SLC16A2: variants seen among roughly 807,000 people sequenced by gnomAD.
SLC16A2 encodes solute carrier family 16 member 2, also known as monocarboxylate transporter 8.
Under a neutral mutation model 27.2 loss-of-function variants are expected in SLC16A2, and 3 were observed. The observed-to-expected ratio is 0.11, with a 90% CI of 0.05 to 0.28. The LOEUF is 0.28. Ranked by LOEUF, SLC16A2 falls within the 10% of genes least tolerant of loss-of-function variation. SLC16A2 has a pLI of 1.00. For missense variants in SLC16A2, 295 were observed against 458.5 expected (o/e 0.64, Z 3.26); for synonymous variants, 202 against 187.8 (o/e 1.08, Z -0.62).
At position 74,422,182 on chromosome X, in the gene SLC16A2, TCCCCTTA is replaced by T. The variant is rs1023683164; in HGVS notation, c.430+129_430+135del. On this transcript the variant is annotated intron_variant, in intron 1 of 5. Coordinates refer to ENST00000587091, the MANE Select transcript of SLC16A2 (RefSeq NM_006517.5). Reference sequence around the variant, plus strand: ...CCCTCCAACGCGCCTCTCCGACTCCTCCCCTTACCCCTTACCCCTTGCCCCTTGCCCC... The same window carrying T: ...CCCTCCAACGCGCCTCTCCGACTCCTCCCCTTACCCCTTGCCCCTTGCCCC... The T allele has an allele frequency of 6.6e-6, 5 of 756,425 alleles. No homozygotes were observed. In the African/African-American group the frequency reaches 8.4e-5, roughly 13 times the overall value. The allele number at this position is 756,425 out of a possible 1,213,427, so 62.3% of individuals were successfully genotyped here. A position where few individuals can be genotyped will look rare whatever the true frequency, so the allele number is the denominator to read the frequency against.
intron 1 of SLC16A2, among the ~76,000 whole-genome samples, chrX:74,507,910 G>C (rs1055372650): frequency 8.9e-6 from 1 of 112,003 alleles, no homozygotes; most frequent in Non-Finnish European, 1.9e-5. Context: ...GAACACTTAG[G>C]TTGATTCAAT....
chrX:74,490,088 G>A (rs1483477220), intron 1 of SLC16A2, among the ~76,000 whole-genome samples: 3 of 102,745 alleles, frequency 2.9e-5, no homozygotes, highest in African/African-American at 1.1e-4. Flanking sequence ...AAAAAAAATA[G>A]TTAGATCCAA....
intron 1 of SLC16A2, among the ~76,000 whole-genome samples, chrX:74,496,925 T>TA (rs1929946831): frequency 8.9e-6 from 1 of 111,911 alleles, no homozygotes; most frequent in South Asian, 3.8e-4. Flanking sequence ...GCAGGTGTGC[T>TA]AGTGCCTGTT....
chrX:74,433,438 G>T (rs1341441843), intron 1 of SLC16A2, among the ~76,000 whole-genome samples: 2 of 110,100 alleles, frequency 1.8e-5, no homozygotes, highest in African/African-American at 6.6e-5. Context: ...CTGAGGCTTG[G>T]GGTCTTAATG....
chrX:74,504,318 C>G (rs969168486), intron 1 of SLC16A2, among the ~76,000 whole-genome samples: 25 of 110,789 alleles, frequency 2.3e-4, no homozygotes, highest in Admixed American at 1.3e-3. Context: ...TCCCACCCAC[C>G]CATCTTGCCT....
intron 1 of SLC16A2, among the ~76,000 whole-genome samples, chrX:74,422,598 G>A (rs1360309620): frequency 9.0e-6 from 1 of 111,286 alleles, no homozygotes; most frequent in Non-Finnish European, 1.9e-5. Flanking sequence ...ATGACTATGA[G>A]CGAAGAGTCA....
rs1930527348 is a variant in SLC16A2, at chrX:74,529,102, C to T, written c.1171-111C>T. On this transcript the variant is annotated intron_variant, in intron 4 of 5. Coordinates refer to ENST00000587091, the MANE Select transcript of SLC16A2 (RefSeq NM_006517.5). The stretch of plus-strand genomic sequence containing the variant: ...CTCTCTCTGTTGACACCTTCCCCCT[C>T]CCACCACCCCATTTTATAGATGGTA... 4.2e-5 allele frequency: 23 copies of T among 542,056 alleles called. No homozygotes were observed. The South Asian group carries it at 6.8e-4, about 16-fold the overall frequency. The allele number at this position is 542,056 out of a possible 1,213,427, so 44.7% of individuals were successfully genotyped here.
At chrX:74,441,648 C>T (rs1928750664) in intron 1 of SLC16A2, among the ~76,000 whole-genome samples, 1 of 111,321 alleles carries the variant, frequency 9.0e-6, no homozygotes, top group South Asian at 3.8e-4. Flanking sequence ...TGGAAACTTT[C>T]CAGGGCTTTG....
At chrX:74,461,665 C>T (rs1289526700) in intron 1 of SLC16A2, among the ~76,000 whole-genome samples, 2 of 111,827 alleles carry the variant, frequency 1.8e-5, no homozygotes, top group African/African-American at 6.5e-5. Context: ...TTACCTTCCT[C>T]CTTTGCCTGG....
chrX:74,453,191 C>T (rs1928975253), intron 1 of SLC16A2, among the ~76,000 whole-genome samples: 2 of 109,712 alleles, frequency 1.8e-5, no homozygotes, highest in Admixed American at 9.8e-5. Flanking sequence ...ACAGGTGCCA[C>T]GCCTGGCTAA....
chrX:74,480,834 T>C (rs1569292342), intron 1 of SLC16A2, among the ~76,000 whole-genome samples: 1 of 112,375 alleles, frequency 8.9e-6, no homozygotes, highest in African/African-American at 3.2e-5. Context: ...GGAAGCAGTC[T>C]TTCAGCAATA....
chrX:74,502,545 A>G (rs1312045929), intron 1 of SLC16A2, among the ~76,000 whole-genome samples: 1 of 112,494 alleles, frequency 8.9e-6, no homozygotes, highest in Non-Finnish European at 1.9e-5. Context: ...GTAAATGAAG[A>G]AATGCCAAAA....
chrX:74,475,754 T>C (rs1337498700), intron 1 of SLC16A2, among the ~76,000 whole-genome samples: 1 of 111,961 alleles, frequency 8.9e-6, no homozygotes, highest in Non-Finnish European at 1.9e-5. Flanking sequence ...TCCCCATTGC[T>C]TGTTTTTCTC....
intron 1 of SLC16A2, among the ~76,000 whole-genome samples, chrX:74,512,288 A>G (rs1486294277): frequency 8.9e-6 from 1 of 112,463 alleles, no homozygotes; most frequent in Non-Finnish European, 1.9e-5. Flanking sequence ...GCAACACAGA[A>G]TCCAATTCAT....
chrX:74,498,500 C>T (rs531041691), intron 1 of SLC16A2, among the ~76,000 whole-genome samples: 4 of 111,009 alleles, frequency 3.6e-5, no homozygotes, highest in African/African-American at 1.3e-4. Context: ...TTCTCTAGTC[C>T]CCTGTCCACC....
rs766013304 is a variant in SLC16A2, at chrX:74,529,374, C to T, written c.1332C>T (p.Ala444=). Reference sequence around the variant, plus strand: ...TTGAGCTGGTGGGCCCAATGCAGGCCTCACAGGCCATTGGCTACCTCCTGG... The same window carrying T: ...TTGAGCTGGTGGGCCCAATGCAGGCTTCACAGGCCATTGGCTACCTCCTGG... The part of the protein sequence containing the change: ...IAFELVGPMQ[A]SQAIGYLLGM... Residue 444 remains alanine (A), a synonymous_variant, in exon 5 of 6, where the codon GCC becomes GCT. Transcript: ENST00000587091. 2.5e-6 allele frequency: 3 copies of T among 1,203,127 alleles called. No individual in the cohort carries two copies. In the South Asian group the frequency reaches 5.4e-5, roughly 22 times the overall value.
At chrX:74,457,124 T>C (rs2147847639) in intron 1 of SLC16A2, among the ~76,000 whole-genome samples, 1 of 110,385 alleles carries the variant, frequency 9.1e-6, no homozygotes, top group African/African-American at 3.3e-5. Flanking sequence ...CTTAAAAAAA[T>C]ACTGATGTCC....
intron 1 of SLC16A2, among the ~76,000 whole-genome samples, chrX:74,484,955 G>A (rs1929688141): frequency 2.7e-5 from 3 of 111,694 alleles, no homozygotes; most frequent in South Asian, 3.7e-4. Flanking sequence ...AGTGGCTCAC[G>A]CCTATAATCC....
At chrX:74,448,162 T>C (rs1002275378) in intron 1 of SLC16A2, among the ~76,000 whole-genome samples, 2 of 111,088 alleles carry the variant, frequency 1.8e-5, no homozygotes, top group African/African-American at 3.3e-5. Flanking sequence ...GTTGAACATA[T>C]ACCTTCCCTG....
Sources: gnomAD v4.1 joint callset for allele counts (sites outside exome capture counted in the v4.1 genomes callset) on GRCh38, gnomAD v4.1.1 for gene constraint, MANE v1.5 for transcripts, NCBI Gene and HGNC (gene_info 2026-07-23, HGNC 2026-07-21) for gene names.